The following ATP8A2 variants were observed in gnomAD, a reference collection of about 807,000 sequenced individuals.
ATP8A2 encodes phospholipid-transporting ATPase IB.
ATP8A2 carries 100 observed loss-of-function variants against 165.6 expected under a neutral mutation model. The observed-to-expected ratio is 0.60, with a 90% CI of 0.51 to 0.71. ATP8A2 has a LOEUF of 0.71. ATP8A2 is among the 30% of genes least tolerant of loss of function. ATP8A2 has a pLI of 0.00. For synonymous variants in ATP8A2, 543 were observed against 548.8 expected, an observed-to-expected ratio of 0.99 and a Z score of 0.15; for missense variants, 1,227 against 1,479.5, an observed-to-expected ratio of 0.83 and a Z score of 2.80.
chr13:25,670,114 AGGT>A (rs1393484034), intron 24 of ATP8A2, among the ~76,000 whole-genome samples: 2 of 152,160 alleles, frequency 1.3e-5, no homozygotes, highest in Non-Finnish European at 2.9e-5. Context: ...TTACTATCAT[AGGT>A]TTTTAATTAA....
intron 33 of ATP8A2, among the ~76,000 whole-genome samples, chr13:25,940,411 C>T (rs1022804250): frequency 5.3e-5 from 8 of 152,194 alleles, no homozygotes; most frequent in African/African-American, 1.9e-4. Flanking sequence ...ACCACTTTCC[C>T]TCTTGAGGTT....
chr13:25,547,575 G>A lies in ATP8A2; in HGVS notation c.892-3763G>A, dbSNP rs529992981. 1.2e-3 allele frequency among the ~76,000 whole-genome samples: 176 copies of A among 152,264 alleles called. 1 individual carries two copies. Among genetic ancestry groups the A allele is most frequent in the African/African-American group, 3.4e-3 (143 of 41,546 alleles). On this transcript the variant is annotated intron_variant, in intron 10 of 36. Transcript: ENST00000381655. The stretch of plus-strand genomic sequence containing the variant: ...TCCCACTGATTCTACATTATGGTGA[G>A]TTGTATAATTATTTCACTACACACT...
At chr13:25,764,647 T>C (rs903704509) in intron 25 of ATP8A2, among the ~76,000 whole-genome samples, 3 of 152,230 alleles carry the variant, frequency 2.0e-5, no homozygotes, top group Admixed American at 6.5e-5. Context: ...GTGATTCCGA[T>C]GCTCACTTAA....
At chr13:25,541,844 A>T in intron 8 of ATP8A2, 75 bp from the exon 9 acceptor site, 1 of 1,526,206 alleles carries the variant, frequency 6.6e-7, no homozygotes, top group African/African-American at 1.4e-5. Context: ...CTTTTGATTA[A>T]CCATAGGGAT....
At chr13:25,644,469 T>C (rs2041617947) in intron 24 of ATP8A2, among the ~76,000 whole-genome samples, 1 of 152,110 alleles carries the variant, frequency 6.6e-6, no homozygotes, top group Non-Finnish European at 1.5e-5. Flanking sequence ...TTTGCTGTAT[T>C]ATTGAGGATT....
At chr13:25,526,381 G>T (rs983649118) in intron 2 of ATP8A2, among the ~76,000 whole-genome samples, 1 of 152,154 alleles carries the variant, frequency 6.6e-6, no homozygotes, top group African/African-American at 2.4e-5. Flanking sequence ...GTATATGTTT[G>T]CATTGGAGAA....
At chr13:25,699,148 A>AT in intron 24 of ATP8A2, 25 bp from the exon 25 acceptor site, 1 of 1,476,084 alleles carries the variant, frequency 6.8e-7, no homozygotes, top group Non-Finnish European at 9.0e-7. Context: ...AAAAAATGTG[A>AT]TTTTCCCCTA....
intron 27 of ATP8A2, among the ~76,000 whole-genome samples, chr13:25,782,269 G>A (rs1161066664): frequency 6.6e-6 from 1 of 152,240 alleles, no homozygotes; most frequent in Admixed American, 6.5e-5. Flanking sequence ...TGAAGGAATA[G>A]ATTGGCAGCT....
chr13:25,407,099 C>A (rs1449648892), intron 1 of ATP8A2, among the ~76,000 whole-genome samples: 1 of 152,202 alleles, frequency 6.6e-6, no homozygotes, highest in African/African-American at 2.4e-5. Flanking sequence ...CTGCCTAGAT[C>A]TCAGATGTTG....
At chr13:25,569,941 A>G (rs2039418040) in intron 16 of ATP8A2, among the ~76,000 whole-genome samples, 2 of 152,222 alleles carry the variant, frequency 1.3e-5, no homozygotes, top group South Asian at 4.1e-4. Context: ...CAGGTCTTAT[A>G]TTTAGAATAT....
intron 2 of ATP8A2, among the ~76,000 whole-genome samples, chr13:25,483,086 T>C (rs1171336520): frequency 6.6e-6 from 1 of 152,206 alleles, no homozygotes; most frequent in East Asian, 1.9e-4. Flanking sequence ...GGGTTTGATG[T>C]GCACAGCCAC....
At chr13:25,650,898 T>C (rs1438231936) in intron 24 of ATP8A2, among the ~76,000 whole-genome samples, 1 of 152,200 alleles carries the variant, frequency 6.6e-6, no homozygotes, top group African/African-American at 2.4e-5. Flanking sequence ...TTTTAGGTAT[T>C]TGTTTAAAAT....
chr13:25,395,901 T>G (rs1266433826), intron 1 of ATP8A2, among the ~76,000 whole-genome samples: 3 of 152,068 alleles, frequency 2.0e-5, no homozygotes, highest in Non-Finnish European at 4.4e-5. Context: ...TGGAGTGCAG[T>G]GGCGCAATCT....
chr13:25,449,478 G>T (rs1002078053), intron 1 of ATP8A2, among the ~76,000 whole-genome samples: 1 of 152,180 alleles, frequency 6.6e-6, no homozygotes, highest in Non-Finnish European at 1.5e-5. Context: ...GAGACTTGTT[G>T]TATGCTATAG....
chr13:25,985,647 C>T (rs534226755), intron 35 of ATP8A2, among the ~76,000 whole-genome samples: 1 of 152,328 alleles, frequency 6.6e-6, no homozygotes, highest in African/African-American at 2.4e-5. Context: ...TGAGTCGGGC[C>T]CATGGCCCCT....
intron 24 of ATP8A2, among the ~76,000 whole-genome samples, chr13:25,630,381 T>C (rs1246214204): frequency 6.6e-6 from 1 of 152,216 alleles, no homozygotes; most frequent in Non-Finnish European, 1.5e-5. Flanking sequence ...TAGAGATGAC[T>C]AATCAGTTGA....
intron 25 of ATP8A2, among the ~76,000 whole-genome samples, chr13:25,724,225 A>G (rs1459527865): frequency 1.3e-5 from 2 of 152,206 alleles, no homozygotes; most frequent in East Asian, 3.9e-4. Flanking sequence ...TTCATGTGGC[A>G]TCTGGGAGGG....
intron 27 of ATP8A2, among the ~76,000 whole-genome samples, chr13:25,799,011 A>G (rs1950557840): frequency 6.6e-6 from 1 of 152,238 alleles, no homozygotes; most frequent in African/African-American, 2.4e-5. Context: ...AATTGACAGA[A>G]CAAATTAACA....
chr13:25,688,736 AG>A (rs1352202180), intron 24 of ATP8A2, among the ~76,000 whole-genome samples: 2 of 152,250 alleles, frequency 1.3e-5, no homozygotes. Context: ...TCCTGCTGGC[AG>A]GGCTTTCAAG....
Sources: gnomAD v4.1 joint callset for allele counts (sites outside exome capture counted in the v4.1 genomes callset) on GRCh38, gnomAD v4.1.1 for gene constraint, MANE v1.5 for transcripts, NCBI Gene and HGNC (gene_info 2026-07-23, HGNC 2026-07-21) for gene names.